The following SLC14A2 variants were observed in gnomAD, a reference collection of about 807,000 sequenced individuals.
The protein encoded by SLC14A2 is solute carrier family 14 member 2, also known as urea transporter 2.
In SLC14A2, 91 loss-of-function variants were observed where a neutral mutation model predicts 104.6. The ratio of observed to expected loss-of-function variants is 0.87; its 90% CI spans 0.73 to 1.04. The LOEUF (loss-of-function observed/expected upper bound fraction) is 1.04, where lower values mean the gene tolerates loss of function less well. Among genes scored for constraint, SLC14A2 ranks in the 50% least tolerant of loss-of-function variants. The pLI, the probability that SLC14A2 is intolerant of heterozygous loss-of-function variation, is 0.00. For synonymous variants in SLC14A2, 476 were observed against 466.4 expected (o/e 1.02, Z -0.27); for missense variants, 1,189 against 1,156.0 (o/e 1.03, Z -0.41).
At chr18:45,555,215 A>G (rs1252508092) in intron 2 of SLC14A2, among the ~76,000 whole-genome samples, 1 of 152,230 alleles carries the variant, frequency 6.6e-6, no homozygotes, top group Non-Finnish European at 1.5e-5. Context: ...ATACCCTCAT[A>G]AGGAGTATAT....
At chr18:45,369,051 G>A (rs1251162420) in intron 1 of SLC14A2, among the ~76,000 whole-genome samples, 2 of 152,102 alleles carry the variant, frequency 1.3e-5, no homozygotes, top group Non-Finnish European at 2.9e-5. Context: ...CCTAGAAAAG[G>A]CTGATTCTCC....
intron 1 of SLC14A2, chr18:45,447,687 T>C (rs1298650310): frequency 6.6e-6 from 1 of 152,230 alleles, no homozygotes; most frequent in Non-Finnish European, 1.5e-5. Flanking sequence ...ATTGCTTTAG[T>C]ATTTGGAGAT....
At chr18:45,407,032 C>T (rs1190265929) in intron 1 of SLC14A2, among the ~76,000 whole-genome samples, 1 of 152,274 alleles carries the variant, frequency 6.6e-6, no homozygotes, top group South Asian at 2.1e-4. Context: ...GCTGCATTAG[C>T]CCCTAACAAG....
intron 1 of SLC14A2, among the ~76,000 whole-genome samples, chr18:45,314,096 G>C (rs993584583): frequency 6.6e-6 from 1 of 152,256 alleles, no homozygotes; most frequent in Non-Finnish European, 1.5e-5. Context: ...CGGAGCACCA[G>C]AAAGCACAGC....
intron 2 of SLC14A2, among the ~76,000 whole-genome samples, chr18:45,575,546 C>T (rs138206979): frequency 0.018 from 2,800 of 152,024 alleles, 35 homozygotes; most frequent in Non-Finnish European, 0.028. Context: ...CTCATCACTT[C>T]CTTTTCAATC....
At chr18:45,509,484 G>T (rs2043334063) in intron 2 of SLC14A2, among the ~76,000 whole-genome samples, 1 of 152,032 alleles carries the variant, frequency 6.6e-6, no homozygotes, top group Non-Finnish European at 1.5e-5. Context: ...GTAAGCCTCA[G>T]TTCTAGTTTA....
At chr18:45,538,628 A>G (rs1046139259) in intron 2 of SLC14A2, among the ~76,000 whole-genome samples, 1 of 152,192 alleles carries the variant, frequency 6.6e-6, no homozygotes, top group Non-Finnish European at 1.5e-5. Flanking sequence ...AGAGGGAAGA[A>G]GACAGAAGCC....
intron 2 of SLC14A2, among the ~76,000 whole-genome samples, chr18:45,549,631 T>G (rs1289629992): frequency 5.3e-5 from 8 of 152,204 alleles, no homozygotes; most frequent in African/African-American, 1.9e-4. Flanking sequence ...AAAATGCTAG[T>G]CGGATGCTAC....
intron 1 of SLC14A2, among the ~76,000 whole-genome samples, chr18:45,480,638 C>A (rs1218581425): frequency 6.6e-6 from 1 of 152,164 alleles, no homozygotes; most frequent in Non-Finnish European, 1.5e-5. Context: ...CCCACATAAC[C>A]AGAGCAGAGC....
chr18:45,374,104 C>T (rs2085750037), intron 1 of SLC14A2, among the ~76,000 whole-genome samples: 1 of 152,168 alleles, frequency 6.6e-6, no homozygotes, highest in Admixed American at 6.5e-5. Context: ...CTCTCCTCAC[C>T]TTCCTACCCA....
At chr18:45,512,602 C>G (rs2043381655) in intron 2 of SLC14A2, among the ~76,000 whole-genome samples, 1 of 152,136 alleles carries the variant, frequency 6.6e-6, no homozygotes, top group Non-Finnish European at 1.5e-5. Flanking sequence ...CTGCTCATTA[C>G]CAAGAAAAAT....
chr18:45,362,320 TG>T (rs1382693739), intron 1 of SLC14A2, among the ~76,000 whole-genome samples: 1 of 152,180 alleles, frequency 6.6e-6, no homozygotes, highest in Non-Finnish European at 1.5e-5. Context: ...CTAACACAAC[TG>T]GGGAGTAGAA....
chr18:45,348,443 G>A lies in SLC14A2; in HGVS notation c.-124-134790G>A, dbSNP rs546259966. Reference sequence around the variant, plus strand: ...TCCCCTAATTCCTCTGCTACTCTGGGACTCAACTCCTTCACTGTAAAGTAA... The same window carrying A: ...TCCCCTAATTCCTCTGCTACTCTGGAACTCAACTCCTTCACTGTAAAGTAA... On this transcript the variant is annotated intron_variant, in intron 1 of 20. Transcript: ENST00000586448. 5.3e-5 allele frequency among the ~76,000 whole-genome samples: 8 copies of A among 152,154 alleles called. No individual in the cohort carries two copies. The East Asian group carries it at 1.4e-3, about 26-fold the overall frequency.
chr18:45,482,683 C>G (rs1314382462), intron 1 of SLC14A2: 4 of 152,178 alleles, frequency 2.6e-5, no homozygotes. Flanking sequence ...AGAGCATGAG[C>G]AAGAAGATAG....
At chr18:45,285,039 A>AC in intron 1 of SLC14A2, among the ~76,000 whole-genome samples, 1 of 152,208 alleles carries the variant, frequency 6.6e-6, no homozygotes. Context: ...ACAAAAAAAA[A>AC]AAATTGCAAA....
chr18:45,670,371 G>A lies in SLC14A2; in HGVS notation c.2229+873G>A, dbSNP rs555696748. 3.3e-5 allele frequency among the ~76,000 whole-genome samples: 5 copies of A among 152,230 alleles called. No homozygotes were observed. In the South Asian group the frequency reaches 1.0e-3, roughly 32 times the overall value. On this transcript the variant is annotated intron_variant, in intron 16 of 19. Transcript: ENST00000255226. ...GTATTAAGTCAGCCTAGAGAAATGT[G>A]CCTATTAGCCAGCCACCTTATCTAA... is the stretch of plus-strand genomic sequence containing the variant.
chr18:45,446,515 A>T (rs1373025241), intron 1 of SLC14A2, among the ~76,000 whole-genome samples: 1 of 152,242 alleles, frequency 6.6e-6, no homozygotes. Flanking sequence ...CAGAACTGTG[A>T]GAGAAACTGT....
chr18:45,197,750 G>A, the SLC14A2 span, among the ~76,000 whole-genome samples: 2 of 152,214 alleles, frequency 1.3e-5, no homozygotes, highest in African/African-American at 4.8e-5. Flanking sequence ...ATTGCTTGAA[G>A]TGTGACCATT....
rs146241600 is a variant in SLC14A2, at chr18:45,474,236, C to A, written c.-124-8997C>A. On this transcript the variant is annotated intron_variant, in intron 1 of 20. Coordinates refer to the SLC14A2 transcript ENST00000586448. ...ATCCCGGGGTTGAAGCCCATTTGATCGTGGCGGATAAGCTTTTTGATGTGC... is the reference window on the plus strand; with the variant it reads ...ATCCCGGGGTTGAAGCCCATTTGATAGTGGCGGATAAGCTTTTTGATGTGC... 1.1e-3 allele frequency among the ~76,000 whole-genome samples: 163 copies of A among 152,276 alleles called. 1 individual carries two copies. Among genetic ancestry groups the A allele is most frequent in the Non-Finnish European group, 2.0e-3 (138 of 68,022 alleles).
Sources: gnomAD v4.1 joint callset for allele counts (sites outside exome capture counted in the v4.1 genomes callset) on GRCh38, gnomAD v4.1.1 for gene constraint, MANE v1.5 for transcripts, NCBI Gene and HGNC (gene_info 2026-07-23, HGNC 2026-07-21) for gene names.